ASIC2: variants seen among roughly 807,000 people sequenced by gnomAD.
ASIC2 encodes the protein acid sensing ion channel subunit 2, also known as acid-sensing ion channel 2.
Under a neutral mutation model 57.3 loss-of-function variants are expected in ASIC2, and 25 were observed. The ratio of observed to expected loss-of-function variants is 0.44; its 90% CI spans 0.32 to 0.61. ASIC2 has a LOEUF of 0.61. Ranked by LOEUF, ASIC2 falls within the 20% of genes least tolerant of loss-of-function variation. The probability of loss-of-function intolerance (pLI) is 0.06; values close to 1 mark genes in which losing one functional copy is unlikely to be tolerated. For missense variants in ASIC2, 641 were observed against 738.1 expected, an observed-to-expected ratio of 0.87 and a Z score of 1.52; for synonymous variants, 319 against 307.5, an observed-to-expected ratio of 1.04 and a Z score of -0.39.
chr17:33,720,997 T>C (rs1379623083), intron 1 of ASIC2, among the ~76,000 whole-genome samples: 3 of 152,174 alleles, frequency 2.0e-5, no homozygotes, highest in Non-Finnish European at 4.4e-5. Context: ...TAGCAATCCA[T>C]ATAAAACTCT....
At chr17:33,035,178 G>A (rs1483372770) in intron 3 of ASIC2, among the ~76,000 whole-genome samples, 1 of 151,964 alleles carries the variant, frequency 6.6e-6, no homozygotes, top group Non-Finnish European at 1.5e-5. Flanking sequence ...TTTTTTAAAG[G>A]TTTCCATATC....
At chr17:33,288,081 C>A (rs1222064096) in intron 1 of ASIC2, among the ~76,000 whole-genome samples, 1 of 152,122 alleles carries the variant, frequency 6.6e-6, no homozygotes, top group Non-Finnish European at 1.5e-5. Flanking sequence ...GTGCCGGAGG[C>A]AGCAAGTACA....
chr17:33,134,500 G>A (rs776529182), intron 1 of ASIC2, among the ~76,000 whole-genome samples: 5 of 152,200 alleles, frequency 3.3e-5, no homozygotes, highest in Non-Finnish European at 5.9e-5. Context: ...ATACTAAAAA[G>A]GAGTTATTTA....
intron 2 of ASIC2, chr17:33,100,250 T>C (rs552518050): frequency 2.4e-4 from 36 of 152,406 alleles, no homozygotes; most frequent in African/African-American, 8.2e-4. Context: ...CCCCTGGTGA[T>C]CTGGCCTCTA....
intron 1 of ASIC2, among the ~76,000 whole-genome samples, chr17:33,580,903 CA>C (rs1904413602): frequency 6.6e-6 from 1 of 152,136 alleles, no homozygotes; most frequent in Non-Finnish European, 1.5e-5. Flanking sequence ...GTTAATGGGC[CA>C]CGGTCATGTA....
chr17:33,673,016 A>G (rs1438568042), intron 1 of ASIC2, among the ~76,000 whole-genome samples: 3 of 152,240 alleles, frequency 2.0e-5, no homozygotes, highest in Non-Finnish European at 2.9e-5. Context: ...GGAAGTAATG[A>G]CAGTGATAAT....
intron 1 of ASIC2, among the ~76,000 whole-genome samples, chr17:33,424,445 C>A (rs1911148538): frequency 6.6e-6 from 1 of 152,138 alleles, no homozygotes; most frequent in Non-Finnish European, 1.5e-5. Flanking sequence ...CTTTTAGGGA[C>A]CCTGAAAACA....
chr17:33,519,580 T>G (rs943134272), intron 1 of ASIC2, among the ~76,000 whole-genome samples: 3 of 152,186 alleles, frequency 2.0e-5, no homozygotes, highest in Non-Finnish European at 4.4e-5. Flanking sequence ...TCCATGTTAA[T>G]CAGCGCACAA....
At chr17:33,115,701 C>T (rs2092278251) in intron 1 of ASIC2, among the ~76,000 whole-genome samples, 1 of 152,224 alleles carries the variant, frequency 6.6e-6, no homozygotes, top group African/African-American at 2.4e-5. Context: ...TGTTTTACAA[C>T]CTCACATCCC....
intron 1 of ASIC2, among the ~76,000 whole-genome samples, chr17:33,322,556 G>GATTCATTC (rs140918105): frequency 3.9e-5 from 6 of 152,106 alleles, no homozygotes; most frequent in African/African-American, 1.4e-4. Flanking sequence ...CCAGTAGAAA[G>GATTCATTC]ATTCATTCAT....
intron 1 of ASIC2, among the ~76,000 whole-genome samples, chr17:33,662,756 T>C (rs1907330162): frequency 7.1e-6 from 1 of 140,902 alleles, no homozygotes; most frequent in African/African-American, 2.5e-5. Context: ...CTTCCTTCCT[T>C]CCTTCTTTCT....
chr17:33,443,570 C>T (rs1237875855), intron 1 of ASIC2, among the ~76,000 whole-genome samples: 7 of 83,610 alleles, frequency 8.4e-5, no homozygotes, highest in African/African-American at 2.2e-4. Context: ...CCCGCCACTA[C>T]GCCCGGCTAA....
chr17:33,416,244 G>T (rs970143751), intron 1 of ASIC2, among the ~76,000 whole-genome samples: 5 of 152,178 alleles, frequency 3.3e-5, no homozygotes, highest in Non-Finnish European at 4.4e-5. Flanking sequence ...AAAACCACAT[G>T]GATTTGGAAA....
chr17:33,239,007 AAAACAAAC>A (rs200716725), intron 1 of ASIC2, among the ~76,000 whole-genome samples: 1 of 151,586 alleles, frequency 6.6e-6, no homozygotes, highest in East Asian at 1.9e-4. Flanking sequence ...CTGTCTCAAA[AAAACAAAC>A]AAACAAACAA....
intron 1 of ASIC2, among the ~76,000 whole-genome samples, chr17:34,066,140 G>T (rs1322326798): frequency 6.6e-6 from 1 of 152,136 alleles, no homozygotes; most frequent in South Asian, 2.1e-4. Flanking sequence ...ACTATGAGTG[G>T]GGAAGGCCTG....
At chr17:33,079,067 A>G (rs1229351519) in intron 3 of ASIC2, among the ~76,000 whole-genome samples, 1 of 152,200 alleles carries the variant, frequency 6.6e-6, no homozygotes, top group Admixed American at 6.5e-5. Flanking sequence ...ATGGGTCTCA[A>G]GCAGGCTGTG....
chr17:34,131,278 T>G (rs561830147), intron 1 of ASIC2, among the ~76,000 whole-genome samples: 2 of 151,556 alleles, frequency 1.3e-5, no homozygotes, highest in Admixed American at 6.6e-5. Context: ...ACAGGGCCAT[T>G]TGGTCATGGG....
At chr17:33,940,655 C>T (rs1306161670) in intron 1 of ASIC2, among the ~76,000 whole-genome samples, 1 of 152,200 alleles carries the variant, frequency 6.6e-6, no homozygotes, top group Non-Finnish European at 1.5e-5. Flanking sequence ...TTCCTGGCTT[C>T]CCAGAGCTTG....
chr17:33,090,610 G>A (rs1480353609), intron 2 of ASIC2, among the ~76,000 whole-genome samples: 1 of 152,158 alleles, frequency 6.6e-6, no homozygotes, highest in Non-Finnish European at 1.5e-5. Context: ...GGATGGAGAG[G>A]GGGAGGACAT....
Sources: allele counts gnomAD v4.1 joint callset (sites outside exome capture counted in the v4.1 genomes callset), GRCh38; gene constraint gnomAD v4.1.1; transcripts MANE v1.5; gene names NCBI Gene and HGNC (gene_info 2026-07-23, HGNC 2026-07-21).